Variants in NBAS observed in about 807,000 individuals in gnomAD.
The protein encoded by NBAS is NBAS subunit of NRZ tethering complex.
In NBAS, 219 loss-of-function variants were observed where a neutral mutation model predicts 302.5. The observed-to-expected ratio is 0.72, with a 90% CI of 0.65 to 0.81. NBAS has a LOEUF of 0.81. NBAS is among the 30% of genes least tolerant of loss of function. NBAS has a pLI of 0.00. For synonymous variants in NBAS, 1,118 were observed against 1,021.6 expected (o/e 1.09, Z -1.80); for missense variants, 2,932 against 2,841.6 (o/e 1.03, Z -0.72).
At chr2:14,928,639 TAA>T in the NBAS span, among the ~76,000 whole-genome samples, 1 of 152,088 alleles carries the variant, frequency 6.6e-6, no homozygotes, top group African/African-American at 2.4e-5. Context: ...CAGTTTAGTT[TAA>T]GAGTTAGCCA....
intron 44 of NBAS, among the ~76,000 whole-genome samples, chr2:15,264,476 C>T (rs888172209): frequency 6.6e-6 from 1 of 152,136 alleles, no homozygotes; most frequent in African/African-American, 2.4e-5. Context: ...TTCAATCTCT[C>T]CTACTAAATG....
chr2:15,246,143 T>C (rs1668086616), intron 44 of NBAS, among the ~76,000 whole-genome samples: 3 of 152,228 alleles, frequency 2.0e-5, no homozygotes, highest in Admixed American at 2.0e-4. Context: ...ATTCCCATTT[T>C]TAAAACACTG....
At chr2:14,839,281 G>A in the NBAS span, among the ~76,000 whole-genome samples, 1 of 151,832 alleles carries the variant, frequency 6.6e-6, no homozygotes, top group African/African-American at 2.4e-5. Flanking sequence ...CTGGCACCAA[G>A]CACATGCAAA....
chr2:15,406,891 C>A (rs78362512), intron 25 of NBAS, among the ~76,000 whole-genome samples: 149 of 152,250 alleles, frequency 9.8e-4, no homozygotes, highest in Admixed American at 2.5e-3. Context: ...ACAACAAATT[C>A]TGTTGGCAAA....
At chr2:15,389,810 G>A (rs934182544) in intron 28 of NBAS, among the ~76,000 whole-genome samples, 1 of 152,222 alleles carries the variant, frequency 6.6e-6, no homozygotes, top group African/African-American at 2.4e-5. Flanking sequence ...CCAGACTGGA[G>A]TGCAGTGGCA....
chr2:14,797,523 T>C, the NBAS span, among the ~76,000 whole-genome samples: 1 of 152,130 alleles, frequency 6.6e-6, no homozygotes, highest in Non-Finnish European at 1.5e-5. Flanking sequence ...ACAACATCCC[T>C]TGGGGCTTTT....
At chr2:15,218,451 G>A (rs1666752576) in intron 48 of NBAS, among the ~76,000 whole-genome samples, 1 of 152,150 alleles carries the variant, frequency 6.6e-6, no homozygotes. Flanking sequence ...TTGAGATGGA[G>A]TCTTGCTCTG....
chr2:15,169,438 C>T (rs1017044960), intron 51 of NBAS, among the ~76,000 whole-genome samples: 2 of 152,134 alleles, frequency 1.3e-5, no homozygotes, highest in Admixed American at 1.3e-4. Context: ...TCTCTTCATG[C>T]CTAGCAAACA....
the NBAS span, among the ~76,000 whole-genome samples, chr2:15,024,350 A>C: frequency 6.6e-6 from 1 of 152,012 alleles, no homozygotes; most frequent in African/African-American, 2.4e-5. Context: ...GTATATATGT[A>C]CCACATTTTC....
the NBAS span, among the ~76,000 whole-genome samples, chr2:14,930,707 C>G: frequency 4.6e-5 from 7 of 152,312 alleles, no homozygotes; most frequent in East Asian, 1.4e-3. Context: ...CATAGGACAT[C>G]TGGCCAGGCT....
chr2:15,360,482 C>T (rs563444567), intron 32 of NBAS, among the ~76,000 whole-genome samples: 1 of 151,900 alleles, frequency 6.6e-6, no homozygotes, highest in East Asian at 1.9e-4. Flanking sequence ...AGTAGTTAGG[C>T]CTACAAGCAT....
the NBAS span, among the ~76,000 whole-genome samples, chr2:15,148,437 G>A: frequency 6.6e-6 from 1 of 152,190 alleles, no homozygotes; most frequent in Non-Finnish European, 1.5e-5. Context: ...CTTCCGGGAG[G>A]AGGCAAGGAA....
intron 38 of NBAS, among the ~76,000 whole-genome samples, chr2:15,313,290 T>C (rs936440797): frequency 6.6e-6 from 1 of 152,226 alleles, no homozygotes; most frequent in African/African-American, 2.4e-5. Context: ...CAAATACATA[T>C]AATTTTAAAA....
intron 47 of NBAS, among the ~76,000 whole-genome samples, chr2:15,230,196 A>G (rs1173841026): frequency 6.6e-6 from 1 of 152,118 alleles, no homozygotes; most frequent in African/African-American, 2.4e-5. Flanking sequence ...TTCAAAATCC[A>G]CAATAACCAT....
the NBAS span, among the ~76,000 whole-genome samples, chr2:15,047,292 G>A: frequency 6.6e-6 from 1 of 152,290 alleles, no homozygotes; most frequent in East Asian, 1.9e-4. Context: ...TGCCTCTGCA[G>A]AGATGTGGTG....
chr2:15,031,714 T>C, the NBAS span, among the ~76,000 whole-genome samples: 1 of 152,188 alleles, frequency 6.6e-6, no homozygotes, highest in South Asian at 2.1e-4. Context: ...CCTGTGAAAT[T>C]TGAAAGGCCT....
the NBAS span, among the ~76,000 whole-genome samples, chr2:15,036,254 C>A: frequency 6.6e-6 from 1 of 152,190 alleles, no homozygotes; most frequent in African/African-American, 2.4e-5. Context: ...TAGTGCCTAG[C>A]AGAGTCATTG....
rs74898089 is a variant in NBAS at position 15,439,305 on chromosome 2, T to TAAAA, written c.2340-11515_2340-11512dup. Among the ~76,000 whole-genome samples, 341 of 74,386 alleles carry TAAAA rather than the reference T, an allele frequency of 4.6e-3. 2 individuals carry two copies. The highest frequency in any genetic ancestry group is 0.014 in the African/African-American group (312 of 22,252). The allele number at this position is 74,386 out of a possible 152,430, so 48.8% of individuals were successfully genotyped here. ...CCAAAGAGCAAGACTCGGTCTCAAATAAAAAAAAAAAAAAAAAAAAGAATA... is the reference window on the plus strand; with the variant it reads ...CCAAAGAGCAAGACTCGGTCTCAAATAAAAAAAAAAAAAAAAAAAAAAAAGAATA... On this transcript the variant is annotated intron_variant, in intron 21 of 51. Coordinates refer to ENST00000281513, the MANE Select transcript of NBAS (RefSeq NM_015909.4).
the NBAS span, among the ~76,000 whole-genome samples, chr2:15,097,888 A>G: frequency 3.1e-5 from 4 of 130,498 alleles, 1 homozygote; most frequent in Admixed American, 3.9e-4. Flanking sequence ...TGTCCATTAA[A>G]TGGTTATTAT....
Sources: gnomAD v4.1 joint callset for allele counts (sites outside exome capture counted in the v4.1 genomes callset) on GRCh38, gnomAD v4.1.1 for gene constraint, MANE v1.5 for transcripts, NCBI Gene and HGNC (gene_info 2026-07-23, HGNC 2026-07-21) for gene names.